The following DLGAP2 variants were observed in gnomAD, a reference collection of about 807,000 sequenced individuals.
DLGAP2 encodes DLG associated protein 2.
A neutral mutation model predicts 100.3 loss-of-function variants in DLGAP2; 26 were observed. The observed-to-expected ratio is 0.26, with a 90% CI of 0.19 to 0.36. The LOEUF is 0.36. Ranked by LOEUF, DLGAP2 falls within the 10% of genes least tolerant of loss-of-function variation. The pLI, the probability that DLGAP2 is intolerant of heterozygous loss-of-function variation, is 1.00. For missense variants in DLGAP2, 1,858 were observed against 1,453.2 expected (o/e 1.28, Z -4.53); for synonymous variants, 886 against 630.1 (o/e 1.41, Z -6.08).
At chr8:1,529,195 A>T (rs1800900491) in intron 4 of DLGAP2, among the ~76,000 whole-genome samples, 1 of 152,224 alleles carries the variant, frequency 6.6e-6, no homozygotes, top group Admixed American at 6.5e-5. Flanking sequence ...CCTACTTCAC[A>T]AGGTAGCAGG....
At chr8:1,374,985 C>T (rs34778497) in intron 3 of DLGAP2, among the ~76,000 whole-genome samples, 20 of 151,678 alleles carry the variant, frequency 1.3e-4, no homozygotes, top group Admixed American at 9.2e-4. Context: ...ATACCACAGC[C>T]GGGGCGCTGT....
intron 2 of DLGAP2, among the ~76,000 whole-genome samples, chr8:1,206,764 C>G (rs1257013557): frequency 6.6e-6 from 1 of 152,200 alleles, no homozygotes; most frequent in Admixed American, 6.5e-5. Context: ...CCCTGCCTAC[C>G]TCTCTGCCAT....
chr8:1,426,699 C>T (rs1425673753), intron 3 of DLGAP2, among the ~76,000 whole-genome samples: 1 of 152,040 alleles, frequency 6.6e-6, no homozygotes, highest in East Asian at 1.9e-4. Flanking sequence ...AGGATTAGAC[C>T]AACAATAGAT....
intron 3 of DLGAP2, among the ~76,000 whole-genome samples, chr8:1,385,534 A>G (rs60810931): frequency 1.3e-3 from 22 of 17,524 alleles, no homozygotes; most frequent in Admixed American, 2.6e-3. Flanking sequence ...TTGGTGCACA[A>G]TTACCCGGCC....
chr8:1,530,437 C>A (rs1199262104), intron 4 of DLGAP2, among the ~76,000 whole-genome samples: 1 of 152,112 alleles, frequency 6.6e-6, no homozygotes, highest in Non-Finnish European at 1.5e-5. Flanking sequence ...GTTCTTTTTT[C>A]AGGGTGCCCA....
intron 2 of DLGAP2, among the ~76,000 whole-genome samples, chr8:1,093,987 A>G (rs1804281697): frequency 6.6e-6 from 1 of 150,910 alleles, no homozygotes; most frequent in Admixed American, 6.6e-5. Context: ...GCGCTCGTGG[A>G]TGGAGGGCAG....
chr8:1,056,989 G>GTTCGTTAGTT (rs777914102), intron 2 of DLGAP2, among the ~76,000 whole-genome samples: 1 of 152,204 alleles, frequency 6.6e-6, no homozygotes, highest in Non-Finnish European at 1.5e-5. Context: ...GACAGACCGT[G>GTTCGTTAGTT]TTCGTTAGTT....
chr8:1,291,498 T>G (rs1216897488), intron 3 of DLGAP2, among the ~76,000 whole-genome samples: 1 of 152,176 alleles, frequency 6.6e-6, no homozygotes, highest in Non-Finnish European at 1.5e-5. Context: ...GTGCCATATT[T>G]CCCGTGTGGA....
intron 1 of DLGAP2, among the ~76,000 whole-genome samples, chr8:834,413 C>T (rs1796836401): frequency 6.6e-6 from 1 of 152,226 alleles, no homozygotes; most frequent in South Asian, 2.1e-4. Flanking sequence ...TGAGCAAATG[C>T]AGGCCGACGC....
chr8:1,695,970 G>T (rs1251370353), intron 13 of DLGAP2, among the ~76,000 whole-genome samples: 2 of 152,370 alleles, frequency 1.3e-5, no homozygotes, highest in African/African-American at 4.8e-5. Context: ...CCCTCGTGTG[G>T]CTGCAGAGAA....
chr8:1,525,535 A>T (rs1182672552), intron 4 of DLGAP2, among the ~76,000 whole-genome samples: 1 of 152,232 alleles, frequency 6.6e-6, no homozygotes, highest in East Asian at 1.9e-4. Flanking sequence ...CAGAAAATGG[A>T]AGAACTCAGG....
chr8:1,453,876 G>A (rs997376406), intron 3 of DLGAP2, among the ~76,000 whole-genome samples: 13 of 152,342 alleles, frequency 8.5e-5, no homozygotes, highest in African/African-American at 3.1e-4. Flanking sequence ...CATGGAAACT[G>A]GATATTCAGA....
chr8:1,361,901 G>C (rs1269061750), intron 3 of DLGAP2, among the ~76,000 whole-genome samples: 1 of 152,140 alleles, frequency 6.6e-6, no homozygotes, highest in African/African-American at 2.4e-5. Context: ...TGCTCTCCTG[G>C]GCACTAACTG....
intron 2 of DLGAP2, among the ~76,000 whole-genome samples, chr8:1,130,646 C>T (rs1796272474): frequency 1.3e-5 from 2 of 152,244 alleles, no homozygotes; most frequent in Admixed American, 1.3e-4. Context: ...TGGCACGGAC[C>T]AGAGGCTGCA....
chr8:1,113,501 G>C (rs1246756254), intron 2 of DLGAP2, among the ~76,000 whole-genome samples: 1 of 152,094 alleles, frequency 6.6e-6, no homozygotes, highest in East Asian at 1.9e-4. Context: ...CTCTCAGCTT[G>C]GCTGTTTTTG....
At position 1,422,179 on chromosome 8, in the gene DLGAP2, T is replaced by C. The variant is rs192070977; in HGVS notation, c.107-79187T>C. On this transcript the variant is annotated intron_variant, in intron 3 of 14. Transcript: ENST00000637795. Reference sequence around the variant, plus strand: ...GCTGAGTCGCGAGGATGTTTCCTAATGTCTTATGGCCGCTAGGAGAGAAAG... The same window carrying C: ...GCTGAGTCGCGAGGATGTTTCCTAACGTCTTATGGCCGCTAGGAGAGAAAG... 9.6e-4 allele frequency among the ~76,000 whole-genome samples: 146 copies of C among 152,328 alleles called. 1 individual carries two copies. Among genetic ancestry groups the C allele is most frequent in the African/African-American group, 3.3e-3 (139 of 41,586 alleles).
intron 3 of DLGAP2, among the ~76,000 whole-genome samples, chr8:1,464,235 C>CAACACCCTTCCAG (rs1563164743): frequency 7.8e-6 from 1 of 128,692 alleles, no homozygotes; most frequent in African/African-American, 2.7e-5. Flanking sequence ...CCTTCCAGGA[C>CAACACCCTTCCAG]GACACCCTTC....
intron 2 of DLGAP2, 34 bp from the exon 3 acceptor site, chr8:1,258,817 G>C: frequency 8.1e-7 from 1 of 1,231,484 alleles, no homozygotes; most frequent in Non-Finnish European, 1.0e-6. Flanking sequence ...GAGACCCTGT[G>C]GGTGTAACAG....
chr8:1,645,027 C>T (rs1308401308), intron 8 of DLGAP2, among the ~76,000 whole-genome samples: 1 of 152,200 alleles, frequency 6.6e-6, no homozygotes. Context: ...GCCAGGCATT[C>T]AAGGTTAGAG....
Sources: gnomAD v4.1 joint callset for allele counts (sites outside exome capture counted in the v4.1 genomes callset) on GRCh38, gnomAD v4.1.1 for gene constraint, MANE v1.5 for transcripts, NCBI Gene and HGNC (gene_info 2026-07-23, HGNC 2026-07-21) for gene names.